Variants in WIZ observed in about 807,000 individuals in gnomAD.
WIZ encodes the protein protein Wiz.
Under a neutral mutation model 140.2 loss-of-function variants are expected in WIZ, and 25 were observed. That is an observed-to-expected ratio of 0.18 (90% confidence interval 0.13 to 0.25). WIZ has a LOEUF of 0.25. Among genes scored for constraint, WIZ ranks in the 10% least tolerant of loss-of-function variants. The probability of loss-of-function intolerance (pLI) is 1.00; values close to 1 mark genes in which losing one functional copy is unlikely to be tolerated. For missense variants in WIZ, 2,231 were observed against 2,632.6 expected (o/e 0.85, Z 3.34); for synonymous variants, 1,125 against 1,154.3 (o/e 0.97, Z 0.51).
Position 15,427,393 on chromosome 19 carries a change from T to C in WIZ, c.3955A>G (p.Ile1319Val), listed in dbSNP as rs1968908534. The part of the protein sequence containing the change: ...VTEWYVNGSP[I>V]DTLREILKRR... ...TTCAGGATCTCCCGCAGCGTGTCGA[T>C]GGGCGAGCCATTGACGTACCACTCG... Residue 1319 changes from isoleucine to valine, a missense_variant, in exon 9 of 13, where the codon ATC becomes GTC. Ile to Val is a conservative substitution (Grantham distance 29). Coordinates refer to ENST00000673675, the MANE Select transcript of WIZ (RefSeq NM_001371589.1). This position sits in a 1 kb window ranked among gnomAD's most constrained non-coding sequence, Gnocchi z 6.4. 1 of 1,613,442 alleles carries C rather than the reference T, an allele frequency of 6.2e-7. No individual in the cohort carries two copies. The highest frequency in any genetic ancestry group is 1.7e-4 in the Middle Eastern group (1 of 6,060).
At position 15,428,568 on chromosome 19, in the gene WIZ, T is replaced by C; in HGVS notation, c.3416-60A>G. On this transcript the variant is annotated intron_variant, in intron 7 of 12. Coordinates refer to ENST00000673675, the MANE Select transcript of WIZ (RefSeq NM_001371589.1). This position sits in a 1 kb window ranked among gnomAD's most constrained non-coding sequence, Gnocchi z 6.4. ...GCCACCTTGGCCGGCCTTGGGGGCC[T>C]GAGGTAGGAGGGTCTGGTGTGATTT... The C allele has an allele frequency of 6.5e-7, 1 of 1,531,562 alleles. No homozygotes were observed. Among genetic ancestry groups the C allele is most frequent in the Non-Finnish European group, 8.7e-7 (1 of 1,144,366 alleles). 94.9% of individuals were successfully genotyped at this position (1,531,562 alleles called of 1,614,324 possible).
chr19:15,430,404 A>G (rs1969157006), intron 6 of WIZ, among the ~76,000 whole-genome samples: 1 of 152,192 alleles, frequency 6.6e-6, no homozygotes, highest in African/African-American at 2.4e-5. Context: ...CCCTGGCAAC[A>G]GGTTCACACA....
chr19:15,424,879 C>T lies in WIZ; in HGVS notation c.5048G>A (p.Arg1683Gln), dbSNP rs369053981. The T allele has an allele frequency of 3.0e-5, 48 of 1,610,792 alleles. No individual in the cohort carries two copies. The highest frequency in any genetic ancestry group is 1.5e-5 in the Non-Finnish European group (18 of 1,179,426). Reference protein sequence around the residue: ...IETLSEWIKHRPQKVGAYRSY... With the variant: ...IETLSEWIKHQPQKVGAYRSY... ...GCGGTAGGCGCCCACCTTCTGGGGC[C>T]GGTGTTTGATCCACTCGCTCAGTGT... The change falls in exon 11 of 13, where the codon CGG becomes CAG. Residue 1683 changes from arginine to glutamine, a missense_variant. Coordinates refer to ENST00000673675, the MANE Select transcript of WIZ (RefSeq NM_001371589.1). This position sits in a 1 kb window ranked among gnomAD's most constrained non-coding sequence, Gnocchi z 9.7.
At chr19:15,434,585 CAAAA>C (rs5827287) in intron 5 of WIZ, among the ~76,000 whole-genome samples, 3 of 124,138 alleles carry the variant, frequency 2.4e-5, no homozygotes, top group Admixed American at 8.4e-5. Flanking sequence ...GACTCCATCT[CAAAA>C]AAAAAAAAAA....
At chr19:15,441,324 A>G (rs570211617) in intron 3 of WIZ, among the ~76,000 whole-genome samples, 1 of 152,134 alleles carries the variant, frequency 6.6e-6, no homozygotes, top group Non-Finnish European at 1.5e-5. Flanking sequence ...GGGGGAGGCA[A>G]GGTAACCACT....
At position 15,424,853 on chromosome 19, in the gene WIZ, T is replaced by G. The variant is rs940786022; in HGVS notation, c.5074A>C (p.Ser1692Arg). Residue 1692 changes from serine to arginine, a missense_variant, in exon 11 of 13, where the codon AGC becomes CGC. Ser to Arg is a moderately radical substitution (Grantham distance 110). Coordinates refer to ENST00000673675, the MANE Select transcript of WIZ (RefSeq NM_001371589.1). This position sits in a 1 kb window ranked among gnomAD's most constrained non-coding sequence, Gnocchi z 9.7. ...HRPQKVGAYR[S>R]YIQGGRPFTK... ...AAGGGGCGGCCGCCCTGGATGTAGC[T>G]GCGGTAGGCGCCCACCTTCTGGGGC... The G allele has an allele frequency of 6.2e-7, 1 of 1,610,870 alleles. No homozygotes were observed. Among genetic ancestry groups the G allele is most frequent in the Admixed American group, 1.7e-5 (1 of 59,846 alleles).
chr19:15,444,156 T>C (rs767105061), intron 2 of WIZ, among the ~76,000 whole-genome samples: 7 of 152,152 alleles, frequency 4.6e-5, no homozygotes, highest in Non-Finnish European at 7.4e-5. Flanking sequence ...GAAAAAGGGA[T>C]AGGGCTGGGG....
At chr19:15,435,003 C>T (rs1003914648) in intron 5 of WIZ, among the ~76,000 whole-genome samples, 2 of 152,130 alleles carry the variant, frequency 1.3e-5, no homozygotes, top group Non-Finnish European at 2.9e-5. Flanking sequence ...ACGAGGCAGG[C>T]GGATCACGAG....
chr19:15,425,839 AGGAGGAGGAG>A (rs1568290354), intron 9 of WIZ, 71 bp from the exon 10 acceptor site: 2,156 of 15,986 alleles, frequency 0.13, 368 homozygotes, highest in East Asian at 0.59. Flanking sequence ...AGGAGGAGGG[AGGAGGAGGAG>A]GGAGGAGGGA....
rs1243488407 is a variant in WIZ, at chr19:15,420,444, G to C, written c.*2632C>G. On this transcript the variant is annotated 3_prime_UTR_variant, in exon 13 of 13. Coordinates refer to ENST00000673675, the MANE Select transcript of WIZ (RefSeq NM_001371589.1). ...GGTTCATCTCCCCATCAGCCTCAGG[G>C]ATGCCTGCCTGTCTTCCAAACCAAG... The C allele has an allele frequency of 6.6e-6, 1 of 152,206 alleles. No homozygotes were observed. Among genetic ancestry groups the C allele is most frequent in the Non-Finnish European group, 1.5e-5 (1 of 68,042 alleles). The allele number at this position is 152,206 out of a possible 1,614,324, so 9.4% of individuals were successfully genotyped here.
chr19:15,439,145 C>T lies in WIZ; in HGVS notation c.1849G>A (p.Glu617Lys). The change falls in exon 4 of 13, where the codon GAG becomes AAG. Residue 617 changes from glutamate to lysine, a missense_variant. Glu to Lys is a moderately conservative substitution (Grantham distance 56, BLOSUM62 1). This residue lies in a region of WIZ where 475 missense variants were observed against 520.2 expected (regional missense o/e 0.91). Transcript: ENST00000673675. The surrounding 1 kb of genome is among the most constrained non-coding windows in gnomAD (Gnocchi z 7.0). ...GERRRPWSEE[E>K]EEEEEEEDVV... is the part of the protein sequence containing the mutation. ...TCCTCCTCCTCCTCCTCCTCCTCCT[C>T]CTCTTCGCTCCAAGGGCGCCTCCGT... is the stretch of plus-strand genomic sequence containing the variant. 6.6e-7 allele frequency: 1 copy of T among 1,523,658 alleles called. No homozygotes were observed. The allele number at this position is 1,523,658 out of a possible 1,614,324, so 94.4% of individuals were successfully genotyped here. A position where few individuals can be genotyped will look rare whatever the true frequency, so the allele number is the denominator to read the frequency against.
Position 15,439,441 on chromosome 19 carries a change from G to A in WIZ, c.1553C>T (p.Pro518Leu). The change falls in exon 4 of 13, where the codon CCT (proline) becomes CTT (leucine). Residue 518 changes from proline (P) to leucine (L), a missense_variant. Pro to Leu is a moderately conservative substitution (Grantham distance 98). This residue lies in a region of WIZ where 475 missense variants were observed against 520.2 expected (regional missense o/e 0.91). Transcript: ENST00000673675. This position sits in a 1 kb window ranked among gnomAD's most constrained non-coding sequence, Gnocchi z 7.0. ...GCCAAAGTAGTCCACAGCAGTGTCA[G>A]GGAAGCAGGCGTGAGCATCCTGGCT... is the stretch of plus-strand genomic sequence containing the variant. Reference protein sequence around the residue: ...GTSQDAHACFPDTAVDYFGKA... With the variant: ...GTSQDAHACFLDTAVDYFGKA... The A allele has an allele frequency of 1.3e-6, 2 of 1,532,392 alleles. No individual in the cohort carries two copies. The highest frequency in any genetic ancestry group is 2.4e-5 in the South Asian group (2 of 83,620). 94.9% of individuals were successfully genotyped at this position (1,532,392 alleles called of 1,614,324 possible). A position where few individuals can be genotyped will look rare whatever the true frequency, so the allele number is the denominator to read the frequency against.
At chr19:15,431,671 A>G (rs1026979411) in intron 5 of WIZ, among the ~76,000 whole-genome samples, 6 of 152,222 alleles carry the variant, frequency 3.9e-5, no homozygotes, top group African/African-American at 1.4e-4. Flanking sequence ...CAGACAAGAC[A>G]GCTGGGGCTG....
chr19:15,431,243 A>G (rs1969217477), intron 5 of WIZ, 61 bp from the exon 6 acceptor site: 1 of 1,431,266 alleles, frequency 7.0e-7, no homozygotes, highest in Admixed American at 2.7e-5. Context: ...ACCCAGAACT[A>G]AGAAGATGGC....
In WIZ at chr19:15,431,363, C is replaced by T. The variant is rs919548179; in HGVS notation, c.2741-181G>A. Reference sequence around the variant, plus strand: ...CCAGTCCAGTGCAGGGACACTGAGGCTGCCACTGACAGCAGACGCCAGCAG... The same window carrying T: ...CCAGTCCAGTGCAGGGACACTGAGGTTGCCACTGACAGCAGACGCCAGCAG... On this transcript the variant is annotated intron_variant, in intron 5 of 12. Coordinates refer to ENST00000673675, the MANE Select transcript of WIZ (RefSeq NM_001371589.1). Among the ~76,000 whole-genome samples the T allele has an allele frequency of 2.0e-5, 3 of 152,238 alleles. No homozygotes were observed. In the East Asian group the frequency reaches 5.8e-4, roughly 29 times the overall value.
chr19:15,445,976 G>A (rs1003631780), intron 2 of WIZ, among the ~76,000 whole-genome samples: 12 of 152,158 alleles, frequency 7.9e-5, no homozygotes, highest in African/African-American at 2.7e-4. Context: ...GCAGGTGCCC[G>A]TGTCCCGGAG....
chr19:15,439,959 G>A lies in WIZ; in HGVS notation c.1035C>T (p.Pro345=), dbSNP rs551666669. 2.3e-4 allele frequency: 348 copies of A among 1,535,584 alleles called. No homozygotes were observed. In the African/African-American group the frequency reaches 4.5e-3, roughly 20 times the overall value. The stretch of plus-strand genomic sequence containing the variant: ...AGGCCAGCGGGGCCAGGTCCGCAGG[G>A]GGCTCCTGGCCCGGGGCTCGGCGGT... ...SQHRRAPGQE[P]PADLAPLACG... Residue 345 remains proline, a synonymous_variant, in exon 4 of 13, where the codon CCC becomes CCT. Coordinates refer to ENST00000673675, the MANE Select transcript of WIZ (RefSeq NM_001371589.1). This position sits in a 1 kb window ranked among gnomAD's most constrained non-coding sequence, Gnocchi z 7.0.
rs1193455952 is a variant in WIZ at position 15,429,811 on chromosome 19, C to T, written c.3190G>A (p.Ala1064Thr). ...GLLSLAKPLD[A>T]PAVNKAIKSP... ...TTGATGGCTTTGTTGACAGCAGGGG[C>T]ATCCAAGGGCTTGGCCAGGCTGAGC... Residue 1064 changes from alanine to threonine, a missense_variant, in exon 7 of 13, where the codon GCC becomes ACC. Transcript: ENST00000673675. 1 of 1,526,322 alleles carries T rather than the reference C, an allele frequency of 6.6e-7. No homozygotes were observed. Among genetic ancestry groups the T allele is most frequent in the Admixed American group, 2.0e-5 (1 of 49,994 alleles). The allele number at this position is 1,526,322 out of a possible 1,614,324, so 94.5% of individuals were successfully genotyped here. A position where few individuals can be genotyped will look rare whatever the true frequency, so the allele number is the denominator to read the frequency against.
Position 15,427,254 on chromosome 19 carries a change from C to T in WIZ, c.4094G>A (p.Ser1365Asn). The T allele has an allele frequency of 6.2e-7, 1 of 1,613,816 alleles. No individual in the cohort carries two copies. Among genetic ancestry groups the T allele is most frequent in the Non-Finnish European group, 8.5e-7 (1 of 1,180,022 alleles). Reference protein sequence around the residue: ...AGPGSSLEARSPSDLHISPLA... With the variant: ...AGPGSSLEARNPSDLHISPLA... Reference sequence around the variant, plus strand: ...GGGTGAGATGTGAAGGTCCGAGGGGCTGCGGGCTTCCAGTGAGCTGCCAGG... The same window carrying T: ...GGGTGAGATGTGAAGGTCCGAGGGGTTGCGGGCTTCCAGTGAGCTGCCAGG... The change falls in exon 9 of 13, where the codon AGC becomes AAC. Residue 1365 changes from serine to asparagine, a missense_variant. Transcript: ENST00000673675. This position sits in a 1 kb window ranked among gnomAD's most constrained non-coding sequence, Gnocchi z 6.4.
Sources: allele counts gnomAD v4.1 joint callset (sites outside exome capture counted in the v4.1 genomes callset), GRCh38; gene constraint gnomAD v4.1.1; regional missense constraint gnomAD v4.1.1; non-coding constraint Gnocchi (gnomAD v3.1); transcripts MANE v1.5; gene names NCBI Gene and HGNC (gene_info 2026-07-23, HGNC 2026-07-21).